Variants in TECPR2 observed in about 807,000 individuals in gnomAD.
The protein encoded by TECPR2 is tectonin beta-propeller repeat containing 2.
TECPR2 carries 65 observed loss-of-function variants against 138.1 expected under a neutral mutation model. The ratio of observed to expected loss-of-function variants is 0.47; its 90% CI spans 0.39 to 0.58. The LOEUF (loss-of-function observed/expected upper bound fraction) is 0.58. Ranked by LOEUF, TECPR2 falls within the 20% of genes least tolerant of loss-of-function variation. The pLI is 0.00. For missense variants in TECPR2, 1,553 were observed against 1,824.5 expected (o/e 0.85, Z 2.71); for synonymous variants, 746 against 749.8 (o/e 0.99, Z 0.08).
chr14:102,483,987 A>ATGT (rs1488549218), intron 17 of TECPR2, among the ~76,000 whole-genome samples: 1 of 77,304 alleles, frequency 1.3e-5, no homozygotes, highest in Non-Finnish European at 2.5e-5. Context: ...AGTAGAGACA[A>ATGT]GGTTTCACCA....
At chr14:102,476,227 A>C (rs1489365524) in intron 17 of TECPR2, among the ~76,000 whole-genome samples, 7 of 150,938 alleles carry the variant, frequency 4.6e-5, no homozygotes, top group Non-Finnish European at 7.4e-5. Flanking sequence ...AAAAAAAAAA[A>C]AAAACAATAT....
chr14:102,414,575 A>C (rs1243175890), intron 4 of TECPR2, 61 bp from the exon 5 acceptor site: 14 of 1,596,314 alleles, frequency 8.8e-6, no homozygotes, highest in Non-Finnish European at 1.2e-5. Context: ...GACTTGTCCT[A>C]AGGGAGGTCC....
intron 2 of TECPR2, among the ~76,000 whole-genome samples, chr14:102,383,146 C>T (rs1887884747): frequency 6.6e-6 from 1 of 152,188 alleles, no homozygotes; most frequent in Non-Finnish European, 1.5e-5. Context: ...TCCAGCACCC[C>T]AGAAGATTCT....
intron 17 of TECPR2, among the ~76,000 whole-genome samples, chr14:102,488,774 C>CTT (rs761101634): frequency 6.8e-6 from 1 of 146,410 alleles, no homozygotes; most frequent in Non-Finnish European, 1.5e-5. Flanking sequence ...GGCTTGTCTA[C>CTT]TTTTTTTTTT....
At chr14:102,380,567 C>T (rs114129942) in intron 2 of TECPR2, among the ~76,000 whole-genome samples, 6,073 of 152,254 alleles carry the variant, frequency 0.04, 137 homozygotes, top group Middle Eastern at 0.088. Flanking sequence ...GTCCCTCCTA[C>T]GACATGTGGG....
At chr14:102,407,515 A>G (rs374402313) in intron 3 of TECPR2, 49 bp downstream of exon 3, 24 of 1,533,314 alleles carry the variant, frequency 1.6e-5, no homozygotes, top group Non-Finnish European at 2.0e-5. Flanking sequence ...CACATTCCTC[A>G]TGGATTTTTA....
At chr14:102,375,412 A>T (rs1196434369) in intron 1 of TECPR2, among the ~76,000 whole-genome samples, 1 of 152,152 alleles carries the variant, frequency 6.6e-6, no homozygotes, top group African/African-American at 2.4e-5. Context: ...GAGAGAACTC[A>T]GTAGGGGGAG....
chr14:102,375,532 G>A (rs944868432), intron 1 of TECPR2, among the ~76,000 whole-genome samples: 1 of 152,162 alleles, frequency 6.6e-6, no homozygotes, highest in Non-Finnish European at 1.5e-5. Context: ...GGGCCCTGGG[G>A]TGAGAACGAG....
Position 102,498,201 on chromosome 14 carries a change from A to C in TECPR2, c.4180A>C (p.Ser1394Arg). 1.2e-6 allele frequency: 2 copies of C among 1,609,314 alleles called. No individual in the cohort carries two copies. Among genetic ancestry groups the C allele is most frequent in the Non-Finnish European group, 1.7e-6 (2 of 1,180,002 alleles). The change falls in exon 20 of 20, where the codon AGC becomes CGC. Residue 1394 changes from serine (S) to arginine (R), a missense_variant. Ser to Arg is a moderately radical substitution (Grantham distance 110, BLOSUM62 -1). Coordinates refer to ENST00000359520, the MANE Select transcript of TECPR2 (RefSeq NM_014844.5). ...CCACTCGCACGGCACCCAGAAGAGCAGCCAGGCCGCCATGCCCCACCCTGA... is the reference window on the plus strand; with the variant it reads ...CCACTCGCACGGCACCCAGAAGAGCCGCCAGGCCGCCATGCCCCACCCTGA... Reference protein sequence around the residue: ...FSHSHGTQKSSQAAMPHPEDL... With the variant: ...FSHSHGTQKSRQAAMPHPEDL...
At chr14:102,411,756 A>G (rs115369123) in intron 4 of TECPR2, among the ~76,000 whole-genome samples, 2 of 141,630 alleles carry the variant, frequency 1.4e-5, no homozygotes, top group African/African-American at 5.5e-5. Flanking sequence ...TCTGCATTCA[A>G]TCTGTTGCCA....
At chr14:102,463,433 A>G (rs1463251783) in intron 16 of TECPR2, among the ~76,000 whole-genome samples, 21 of 150,628 alleles carry the variant, frequency 1.4e-4, no homozygotes, top group South Asian at 4.2e-4. Context: ...AAAAAAAAAA[A>G]AAAAAAGAAA....
At chr14:102,459,372 C>A (rs533439437) in intron 16 of TECPR2, among the ~76,000 whole-genome samples, 1 of 152,318 alleles carries the variant, frequency 6.6e-6, no homozygotes, top group South Asian at 2.1e-4. Flanking sequence ...AGGATGTCAT[C>A]ACACACAGTA....
intron 9 of TECPR2, among the ~76,000 whole-genome samples, chr14:102,437,334 G>A (rs972469626): frequency 3.2e-4 from 48 of 152,224 alleles, no homozygotes; most frequent in Admixed American, 8.5e-4. Flanking sequence ...ATCACCTGAG[G>A]TCAGGAGTTC....
At chr14:102,374,914 CG>C (rs1567313755) in intron 1 of TECPR2, among the ~76,000 whole-genome samples, 1 of 152,108 alleles carries the variant, frequency 6.6e-6, no homozygotes, top group East Asian at 1.9e-4. Flanking sequence ...TTTCTCCCTG[CG>C]GGGGGAAGAG....
intron 17 of TECPR2, among the ~76,000 whole-genome samples, chr14:102,495,571 G>A (rs1891258167): frequency 6.6e-6 from 1 of 152,206 alleles, no homozygotes; most frequent in African/African-American, 2.4e-5. Flanking sequence ...GAGGCCGGGC[G>A]GCTGGGGAAG....
Position 102,407,537 on chromosome 14 carries a change from C to T in TECPR2, c.348+71C>T. 2.0e-6 allele frequency: 3 copies of T among 1,514,568 alleles called. No homozygotes were observed. In the South Asian group the frequency reaches 3.9e-5, roughly 20 times the overall value. The allele number at this position is 1,514,568 out of a possible 1,614,324, so 93.8% of individuals were successfully genotyped here. ...CTCATGGATTTTTAAAATTAGAAAT[C>T]CTCATCTGCTTAGAAAGTTTATGCT... On this transcript the variant is annotated intron_variant, in intron 3 of 19. Transcript: ENST00000359520.
intron 2 of TECPR2, among the ~76,000 whole-genome samples, chr14:102,378,663 C>T (rs532957014): frequency 5.3e-5 from 8 of 152,050 alleles, no homozygotes; most frequent in Admixed American, 1.3e-4. Flanking sequence ...TCACTCTTGT[C>T]GCCCAGGCTG....
At chr14:102,494,776 A>G (rs1243997425) in intron 17 of TECPR2, among the ~76,000 whole-genome samples, 1 of 151,488 alleles carries the variant, frequency 6.6e-6, no homozygotes, top group Non-Finnish European at 1.5e-5. Context: ...GTGAGCCAAG[A>G]TCACACCATT....
rs759318896 is a variant in TECPR2, at chr14:102,415,087, A to G, written c.638+294A>G. ...AGAAGCCTCAGGGGTGGCCTGGTCT[A>G]TCTGTTCCTTGTGGAGCCACCTCCT... On this transcript the variant is annotated intron_variant, in intron 5 of 19. Transcript: ENST00000359520. The surrounding 1 kb of genome is among the most constrained non-coding windows in gnomAD (Gnocchi z 4.3). Among the ~76,000 whole-genome samples the G allele has an allele frequency of 6.6e-6, 1 of 152,132 alleles. No individual in the cohort carries two copies.
Sources: gnomAD v4.1 joint callset for allele counts (sites outside exome capture counted in the v4.1 genomes callset) on GRCh38, gnomAD v4.1.1 for gene constraint, Gnocchi (gnomAD v3.1) non-coding constraint, MANE v1.5 for transcripts, NCBI Gene and HGNC (gene_info 2026-07-23, HGNC 2026-07-21) for gene names.